The following RIT2 variants were observed in gnomAD, a reference collection of about 807,000 sequenced individuals.
RIT2 encodes the protein GTP-binding protein Rit2.
Under a neutral mutation model 23.7 loss-of-function variants are expected in RIT2, and 24 were observed. The observed-to-expected ratio is 1.01, with a 90% CI of 0.73 to 1.43. RIT2 has a LOEUF of 1.43. Among genes scored for constraint, RIT2 ranks in the 40% most tolerant of loss-of-function variants. The pLI, the probability that RIT2 is intolerant of heterozygous loss-of-function variation, is 0.00. For missense variants in RIT2, 236 were observed against 266.9 expected (o/e 0.88, Z 0.81); for synonymous variants, 107 against 91.1 (o/e 1.17, Z -0.99).
chr18:43,085,125 T>C (rs9653010), intron 1 of RIT2, among the ~76,000 whole-genome samples: 83,750 of 151,764 alleles, frequency 0.55, 24,080 homozygotes, highest in Non-Finnish European at 0.65. Context: ...GAAAGTATCT[T>C]TTTAAAAGTA....
chr18:43,057,443 A>C (rs1912530143), intron 1 of RIT2, among the ~76,000 whole-genome samples: 1 of 152,152 alleles, frequency 6.6e-6, no homozygotes, highest in Non-Finnish European at 1.5e-5. Flanking sequence ...ATACTTTCTT[A>C]ATATTACTTC....
chr18:42,932,823 A>G (rs1909359496), intron 3 of RIT2, among the ~76,000 whole-genome samples: 1 of 151,540 alleles, frequency 6.6e-6, no homozygotes, highest in South Asian at 2.1e-4. Context: ...AATCCTGTGC[A>G]TGCTTCTTAG....
chr18:42,837,432 G>T (rs1197201533), intron 4 of RIT2, among the ~76,000 whole-genome samples: 1 of 151,504 alleles, frequency 6.6e-6, no homozygotes, highest in Non-Finnish European at 1.5e-5. Flanking sequence ...CTCCCAAAGT[G>T]CTGGGATTAC....
chr18:42,856,306 G>T (rs1223316347), intron 4 of RIT2, among the ~76,000 whole-genome samples: 1 of 152,180 alleles, frequency 6.6e-6, no homozygotes, highest in Non-Finnish European at 1.5e-5. Flanking sequence ...TACTCAGAGA[G>T]GCCAAGAACA....
At chr18:43,060,259 A>T (rs1036229355) in intron 1 of RIT2, among the ~76,000 whole-genome samples, 1 of 152,158 alleles carries the variant, frequency 6.6e-6, no homozygotes, top group African/African-American at 2.4e-5. Flanking sequence ...AGGTCTCCTG[A>T]TACCCTGTCC....
intron 1 of RIT2, among the ~76,000 whole-genome samples, chr18:43,111,170 C>T (rs1913943749): frequency 6.6e-6 from 1 of 152,126 alleles, no homozygotes; most frequent in Non-Finnish European, 1.5e-5. Flanking sequence ...AAATGGAGAT[C>T]ATTGTGTCAA....
At chr18:42,910,596 C>T (rs984567975) in intron 4 of RIT2, among the ~76,000 whole-genome samples, 1 of 152,002 alleles carries the variant, frequency 6.6e-6, no homozygotes, top group African/African-American at 2.4e-5. Context: ...AGTGGCAAAG[C>T]GGCAGAGCTG....
At chr18:42,925,117 A>C (rs147643013) in intron 3 of RIT2, among the ~76,000 whole-genome samples, 11 of 152,200 alleles carry the variant, frequency 7.2e-5, no homozygotes, top group African/African-American at 2.2e-4. Context: ...CCTGACTCAC[A>C]CTGTATCATA....
At chr18:42,846,102 A>G (rs1906902524) in intron 4 of RIT2, among the ~76,000 whole-genome samples, 1 of 152,010 alleles carries the variant, frequency 6.6e-6, no homozygotes, top group East Asian at 1.9e-4. Flanking sequence ...CTCTTAAAAA[A>G]CAGCGATTTA....
intron 1 of RIT2, among the ~76,000 whole-genome samples, chr18:43,083,559 C>T (rs556850526): frequency 6.6e-6 from 1 of 152,138 alleles, no homozygotes; most frequent in Admixed American, 6.5e-5. Context: ...AGAACAGAGG[C>T]CTCAGAAATA....
intron 1 of RIT2, among the ~76,000 whole-genome samples, chr18:43,034,992 T>C (rs1408869622): frequency 6.6e-6 from 1 of 152,240 alleles, no homozygotes; most frequent in Non-Finnish European, 1.5e-5. Context: ...TACTGAGGAC[T>C]CTTTTCCCTT....
intron 4 of RIT2, among the ~76,000 whole-genome samples, chr18:42,824,360 T>C (rs1296662222): frequency 6.6e-6 from 1 of 152,060 alleles, no homozygotes; most frequent in Admixed American, 6.6e-5. Flanking sequence ...CAACAAGGAA[T>C]GACTTATGAA....
At chr18:42,930,005 G>A (rs1436160232) in intron 3 of RIT2, among the ~76,000 whole-genome samples, 1 of 152,148 alleles carries the variant, frequency 6.6e-6, no homozygotes, top group Non-Finnish European at 1.5e-5. Context: ...GGAGAGTATA[G>A]GGTGACAGAC....
intron 4 of RIT2, among the ~76,000 whole-genome samples, chr18:42,797,666 G>A (rs1905407865): frequency 6.6e-6 from 1 of 152,094 alleles, no homozygotes; most frequent in African/African-American, 2.4e-5. Flanking sequence ...CCTTGAAGCA[G>A]TACTGCTTCA....
intron 1 of RIT2, among the ~76,000 whole-genome samples, chr18:43,054,828 C>CATA (rs1177716215): frequency 1.3e-5 from 2 of 152,060 alleles, no homozygotes; most frequent in Non-Finnish European, 2.9e-5. Context: ...TTCTGTTACT[C>CATA]CCATGACGCA....
rs116452843 is a variant in RIT2, at chr18:43,000,596, C to T, written c.161-26449G>A. Among the ~76,000 whole-genome samples the T allele has an allele frequency of 3.0e-3, 462 of 152,042 alleles. 8 individuals are homozygous for T. Among genetic ancestry groups the T allele is most frequent in the African/African-American group, 0.011 (445 of 41,488 alleles). Reference sequence around the variant, plus strand: ...ATCTCATCTCAAATTATAATCCCCACGTGTTGAGAAAGGGACGTGGTGGGA... The same window carrying T: ...ATCTCATCTCAAATTATAATCCCCATGTGTTGAGAAAGGGACGTGGTGGGA... On this transcript the variant is annotated intron_variant, in intron 2 of 4. Transcript: ENST00000326695.
At chr18:42,842,042 C>T (rs2144025017) in intron 4 of RIT2, among the ~76,000 whole-genome samples, 1 of 152,354 alleles carries the variant, frequency 6.6e-6, no homozygotes, top group African/African-American at 2.4e-5. Flanking sequence ...CAGACAACTT[C>T]CAGCCAGTTG....
chr18:42,870,539 G>A (rs1003263305), intron 4 of RIT2, among the ~76,000 whole-genome samples: 1 of 152,052 alleles, frequency 6.6e-6, no homozygotes, highest in Admixed American at 6.6e-5. Flanking sequence ...TCTTTTCTAG[G>A]ATTGAATTTT....
rs1261987358 is a variant in RIT2 at position 42,767,188 on chromosome 18, C to T, written c.427-23468G>A. On this transcript the variant is annotated intron_variant, in intron 4 of 4. Coordinates refer to ENST00000326695, the MANE Select transcript of RIT2 (RefSeq NM_002930.4). Reference sequence around the variant, plus strand: ...TGGTATATCCACCAACATCTTGCACCGTGTGCCTGGGAAAGTCACAGACAC... The same window carrying T: ...TGGTATATCCACCAACATCTTGCACTGTGTGCCTGGGAAAGTCACAGACAC... 2.0e-5 allele frequency among the ~76,000 whole-genome samples: 3 copies of T among 152,132 alleles called. No homozygotes were observed. The East Asian group carries it at 5.8e-4, about 30-fold the overall frequency.
Sources: gnomAD v4.1 joint callset for allele counts (sites outside exome capture counted in the v4.1 genomes callset) on GRCh38, gnomAD v4.1.1 for gene constraint, MANE v1.5 for transcripts, NCBI Gene and HGNC (gene_info 2026-07-23, HGNC 2026-07-21) for gene names.